The following BLK variants were observed in gnomAD, a reference collection of about 807,000 sequenced individuals.
The protein encoded by BLK is tyrosine-protein kinase Blk.
Under a neutral mutation model 61.8 loss-of-function variants are expected in BLK, and 64 were observed. The ratio of observed to expected loss-of-function variants is 1.03; its 90% CI spans 0.85 to 1.27. The LOEUF (loss-of-function observed/expected upper bound fraction) is 1.27. Among genes scored for constraint, BLK ranks in the 50% most tolerant of loss-of-function variants. BLK has a pLI of 0.00. For synonymous variants in BLK, 351 were observed against 272.0 expected (o/e 1.29, Z -2.86); for missense variants, 853 against 660.5 (o/e 1.29, Z -3.19).
intron 6 of BLK, 60 bp from the exon 7 acceptor site, chr8:11,554,683 C>G (rs1801103662): frequency 6.3e-7 from 1 of 1,597,244 alleles, no homozygotes; most frequent in Non-Finnish European, 8.5e-7. Flanking sequence ...GGCCCAAATC[C>G]CAGTCCCGTT....
At position 11,555,322 on chromosome 8, in the gene BLK, C is replaced by G. The variant is rs775031751; in HGVS notation, c.620-10C>G. On this transcript the variant is annotated splice_polypyrimidine_tract_variant and intron_variant, in intron 7 of 12. Transcript: ENST00000259089. ...TAACCCCCAGCCCTGTCTTTTCTTC[C>G]CTAATGCAGAGAAGGGGGATGGTCT... is the stretch of plus-strand genomic sequence containing the variant. The G allele has an allele frequency of 3.7e-6, 6 of 1,614,032 alleles. No individual in the cohort carries two copies. The highest frequency in any genetic ancestry group is 2.2e-5 in the East Asian group (1 of 44,870).
intron 1 of BLK, among the ~76,000 whole-genome samples, chr8:11,503,733 T>C (rs1302742327): frequency 6.6e-6 from 1 of 152,150 alleles, no homozygotes; most frequent in Admixed American, 6.5e-5. Context: ...TGTGCAGGTG[T>C]GGAGGATGGA....
rs5889374 is a variant in BLK at position 11,535,261 on chromosome 8, G to GAAGAAAGAAAGAAAGAAAGA, written c.-1-7918_-1-7899dup. Among the ~76,000 whole-genome samples, 250 of 110,524 alleles carry GAAGAAAGAAAGAAAGAAAGA rather than the reference G, an allele frequency of 2.3e-3. 1 individual carries two copies. The highest frequency in any genetic ancestry group is 4.2e-3 in the Middle Eastern group (1 of 236). The allele number at this position is 110,524 out of a possible 152,430, so 72.5% of individuals were successfully genotyped here. On this transcript the variant is annotated intron_variant, in intron 1 of 12. Transcript: ENST00000259089. ...AAAAGAAGGAAAGGAAAGAAAGAAA[G>GAAGAAAGAAAGAAAGAAAGA]AAGAAAGAAAGAAAGAAAGAAAGAA...
chr8:11,522,189 T>TA (rs558439262), intron 1 of BLK, among the ~76,000 whole-genome samples: 8 of 151,422 alleles, frequency 5.3e-5, no homozygotes, highest in South Asian at 2.1e-4. Context: ...AAATGAGCTA[T>TA]AAAAAAAAAC....
intron 10 of BLK, chr8:11,560,732 G>T (rs1459355931): frequency 4.9e-6 from 2 of 406,538 alleles, no homozygotes; most frequent in South Asian, 3.5e-5. Context: ...CAGGCGCTGG[G>T]TGAGGTTCTT....
chr8:11,555,291 C>A (rs1165094168), intron 7 of BLK, 41 bp from the exon 8 acceptor site: 2 of 1,613,498 alleles, frequency 1.2e-6, no homozygotes, highest in Admixed American at 1.7e-5. Context: ...AGCCTGGCTG[C>A]TCTGGTAACC....
At chr8:11,542,920 G>A (rs1480807894) in intron 1 of BLK, among the ~76,000 whole-genome samples, 1 of 152,138 alleles carries the variant, frequency 6.6e-6, no homozygotes, top group Non-Finnish European at 1.5e-5. Flanking sequence ...GTGGCCTCCC[G>A]CTCAGGCTCC....
Position 11,556,854 on chromosome 8 carries a change from A to G in BLK, c.952+17A>G. ...TGGCCAGAGGTGGTGCCCCCCGCAG[A>G]GCCGCATCCTCAGAGCGAGGCGGGA... On this transcript the variant is annotated intron_variant, in intron 9 of 12. Coordinates refer to ENST00000259089, the MANE Select transcript of BLK (RefSeq NM_001715.3). 1 of 1,612,842 alleles carries G rather than the reference A, an allele frequency of 6.2e-7. No individual in the cohort carries two copies. The highest frequency in any genetic ancestry group is 8.5e-7 in the Non-Finnish European group (1 of 1,179,298).
At chr8:11,500,216 C>A (rs1387464735) in intron 1 of BLK, among the ~76,000 whole-genome samples, 1 of 152,126 alleles carries the variant, frequency 6.6e-6, no homozygotes, top group Admixed American at 6.6e-5. Flanking sequence ...TTGTTTGAGA[C>A]AAGGTCTCAC....
At chr8:11,509,942 G>C (rs925785130) in intron 1 of BLK, 1 of 152,052 alleles carries the variant, frequency 6.6e-6, no homozygotes, top group Non-Finnish European at 1.5e-5. Flanking sequence ...TATAACATAA[G>C]CATCTTTCCC....
intron 1 of BLK, among the ~76,000 whole-genome samples, chr8:11,541,518 G>C (rs973285283): frequency 2.0e-5 from 3 of 147,684 alleles, no homozygotes; most frequent in African/African-American, 7.5e-5. Flanking sequence ...TTTTTTTCGA[G>C]ATGGAGTCTC....
chr8:11,558,117 C>G (rs774091676), intron 10 of BLK, 79 bp downstream of exon 10: 3 of 1,405,046 alleles, frequency 2.1e-6, no homozygotes, highest in Non-Finnish European at 3.0e-6. Context: ...CCTTACCACC[C>G]CATCCTCTCA....
rs573073635 is a variant in BLK at position 11,496,740 on chromosome 8, G to A, written c.-2+2149G>A. Among the ~76,000 whole-genome samples, 46 of 152,304 alleles carry A rather than the reference G, an allele frequency of 3.0e-4. No individual in the cohort carries two copies. The South Asian group carries it at 3.5e-3, about 12-fold the overall frequency. ...AGAATGAGGACCCAGGCCCCTGGGG[G>A]AGTACAGAATTCCAGCCAGGAATCT... On this transcript the variant is annotated intron_variant, in intron 1 of 12. Coordinates refer to ENST00000259089, the MANE Select transcript of BLK (RefSeq NM_001715.3).
intron 1 of BLK, among the ~76,000 whole-genome samples, chr8:11,498,349 C>T (rs1798432343): frequency 2.0e-5 from 3 of 152,180 alleles, no homozygotes; most frequent in Non-Finnish European, 4.4e-5. Flanking sequence ...CTGTGGATTC[C>T]TGATGAGTTT....
intron 1 of BLK, among the ~76,000 whole-genome samples, chr8:11,535,316 G>T (rs1563102598): frequency 8.1e-6 from 1 of 122,756 alleles, no homozygotes; most frequent in African/African-American, 2.7e-5. Context: ...AAGAAAGAAA[G>T]AAAGAAAGAG....
chr8:11,499,572 A>C (rs1585314750), intron 1 of BLK, among the ~76,000 whole-genome samples: 1 of 152,174 alleles, frequency 6.6e-6, no homozygotes, highest in Non-Finnish European at 1.5e-5. Context: ...CAGAGGTTGG[A>C]AACTCACAGT....
chr8:11,533,067 G>A (rs1370413557), intron 1 of BLK, among the ~76,000 whole-genome samples: 1 of 151,082 alleles, frequency 6.6e-6, no homozygotes, highest in African/African-American at 2.4e-5. Flanking sequence ...GTCAGAAGGT[G>A]TACTAGGCAC....
rs544690947 is a variant in BLK, at chr8:11,564,317, C to T, written c.*209C>T. 1.4e-6 allele frequency: 1 copy of T among 716,134 alleles called. No individual in the cohort carries two copies. The highest frequency in any genetic ancestry group is 2.5e-6 in the Non-Finnish European group (1 of 398,928). The allele number at this position is 716,134 out of a possible 1,614,324, so 44.4% of individuals were successfully genotyped here. A position where few individuals can be genotyped will look rare whatever the true frequency, so the allele number is the denominator to read the frequency against. On this transcript the variant is annotated 3_prime_UTR_variant, in exon 13 of 13. Coordinates refer to ENST00000259089, the MANE Select transcript of BLK (RefSeq NM_001715.3). ...GGCGAGTTACGCGGCCTCTCTGTGCCGCTTCATTTGTAGAGGGCTGTAACA... is the reference window on the plus strand; with the variant it reads ...GGCGAGTTACGCGGCCTCTCTGTGCTGCTTCATTTGTAGAGGGCTGTAACA...
At chr8:11,563,182 T>A in intron 12 of BLK, 72 bp downstream of exon 12, 1 of 1,603,384 alleles carries the variant, frequency 6.2e-7, no homozygotes, top group Non-Finnish European at 8.5e-7. Flanking sequence ...CGCCTGTGCT[T>A]GGTGCCTGTG....
Sources: gnomAD v4.1 joint callset for allele counts (sites outside exome capture counted in the v4.1 genomes callset) on GRCh38, gnomAD v4.1.1 for gene constraint, MANE v1.5 for transcripts, NCBI Gene and HGNC (gene_info 2026-07-23, HGNC 2026-07-21) for gene names.